PAFAH1B1: variants seen among roughly 807,000 people sequenced by gnomAD.
The protein encoded by PAFAH1B1 is platelet-activating factor acetylhydrolase IB subunit beta.
PAFAH1B1 carries 2 observed loss-of-function variants against 57.5 expected under a neutral mutation model. The observed-to-expected ratio is 0.03, with a 90% confidence interval of 0.01 to 0.11. The LOEUF (loss-of-function observed/expected upper bound fraction) is 0.11. Ranked by LOEUF, PAFAH1B1 falls within the 10% of genes least tolerant of loss-of-function variation. The pLI is 1.00. For missense variants in PAFAH1B1, 257 were observed against 512.0 expected, an observed-to-expected ratio of 0.50 and a Z score of 4.81; for synonymous variants, 152 against 169.6, an observed-to-expected ratio of 0.90 and a Z score of 0.81.
chr17:2,667,057 T>G lies in PAFAH1B1; in HGVS notation c.258T>G (p.Gly86=). ...KEEFTSGGPL[G]QKRDPKEWIP... is the part of the protein sequence containing the mutation. ...AATTTACGTCAGGTGGACCTCTTGGTCAGAAACGAGACCCAAAAGAATGGA... is the reference window on the plus strand; with the variant it reads ...AATTTACGTCAGGTGGACCTCTTGGGCAGAAACGAGACCCAAAAGAATGGA... The change falls in exon 5 of 11, where the codon GGT becomes GGG. Residue 86 remains glycine, a synonymous_variant. Transcript: ENST00000397195. 6.2e-7 allele frequency: 1 copy of G among 1,613,966 alleles called. No homozygotes were observed. Among genetic ancestry groups the G allele is most frequent in the Non-Finnish European group, 8.5e-7 (1 of 1,179,890 alleles).
intron 2 of PAFAH1B1, among the ~76,000 whole-genome samples, chr17:2,645,797 G>A (rs1378368894): frequency 6.7e-6 from 1 of 150,360 alleles, no homozygotes; most frequent in Non-Finnish European, 1.5e-5. Flanking sequence ...GTAGAGACGG[G>A]GTTTCATTGT....
rs576853881 is a variant in PAFAH1B1, at chr17:2,604,285, G to A, written c.-191+10279G>A. Reference sequence around the variant, plus strand: ...ACCCCTCACCTCAAGTGATCCCCCCGCCTCGGCCTCCCAAAGTGCTGAGGT... The same window carrying A: ...ACCCCTCACCTCAAGTGATCCCCCCACCTCGGCCTCCCAAAGTGCTGAGGT... On this transcript the variant is annotated intron_variant, in intron 1 of 10. Coordinates refer to ENST00000397195, the MANE Select transcript of PAFAH1B1 (RefSeq NM_000430.4). Among the ~76,000 whole-genome samples the A allele has an allele frequency of 4.0e-5, 6 of 150,054 alleles. No individual in the cohort carries two copies. The East Asian group carries it at 1.0e-3, about 25-fold the overall frequency.
At chr17:2,658,575 G>A (rs952926108) in intron 2 of PAFAH1B1, among the ~76,000 whole-genome samples, 6 of 152,126 alleles carry the variant, frequency 3.9e-5, no homozygotes, top group African/African-American at 1.2e-4. Flanking sequence ...AGACCCAGCC[G>A]TCTGATGAAA....
chr17:2,605,625 C>T (rs372286077), intron 1 of PAFAH1B1, among the ~76,000 whole-genome samples: 8 of 152,138 alleles, frequency 5.3e-5, no homozygotes, highest in African/African-American at 1.9e-4. Context: ...CCGCGCCCCC[C>T]TTACTTACGC....
chr17:2,610,409 C>T (rs1567526560), intron 1 of PAFAH1B1, among the ~76,000 whole-genome samples: 1 of 152,166 alleles, frequency 6.6e-6, no homozygotes, highest in Non-Finnish European at 1.5e-5. Context: ...TGACTCTGAG[C>T]TTTCTAGGAA....
intron 1 of PAFAH1B1, among the ~76,000 whole-genome samples, chr17:2,620,336 G>A (rs370215878): frequency 4.6e-5 from 7 of 152,138 alleles, no homozygotes; most frequent in South Asian, 4.1e-4. Flanking sequence ...ATAAACATCA[G>A]ATTCCTATCT....
intron 1 of PAFAH1B1, among the ~76,000 whole-genome samples, chr17:2,595,359 G>C (rs2068073465): frequency 1.3e-5 from 2 of 151,508 alleles, no homozygotes; most frequent in South Asian, 2.1e-4. Flanking sequence ...GGAGGAGACA[G>C]TGCTTGGGCC....
intron 2 of PAFAH1B1, among the ~76,000 whole-genome samples, chr17:2,660,783 G>A (rs2069003887): frequency 6.6e-6 from 1 of 152,044 alleles, no homozygotes; most frequent in Non-Finnish European, 1.5e-5. Flanking sequence ...GGGATTGCTG[G>A]GTCAAATGGT....
intron 1 of PAFAH1B1, among the ~76,000 whole-genome samples, chr17:2,628,531 A>G (rs976072098): frequency 3.3e-5 from 5 of 151,742 alleles, no homozygotes; most frequent in Non-Finnish European, 5.9e-5. Context: ...ATTGGTCTGT[A>G]GTTTTCTTTT....
intron 2 of PAFAH1B1, among the ~76,000 whole-genome samples, chr17:2,661,038 CATAA>C (rs770417662): frequency 1.3e-5 from 2 of 152,052 alleles, no homozygotes; most frequent in African/African-American, 2.4e-5. Context: ...TTTTTGGCCA[CATAA>C]ATGTCTTCTT....
chr17:2,594,114 T>TCCCATTCTCCCCTCCCC (rs2068056039), intron 1 of PAFAH1B1, 108 bp downstream of exon 1: 16 of 380,492 alleles, frequency 4.2e-5, no homozygotes, highest in African/African-American at 1.1e-4. Context: ...GTCCCCTCCC[T>TCCCATTCTCCCCTCCCC]CCCATTCTCC....
At chr17:2,628,979 G>C (rs2068524669) in intron 1 of PAFAH1B1, among the ~76,000 whole-genome samples, 1 of 152,056 alleles carries the variant, frequency 6.6e-6, no homozygotes, top group Admixed American at 6.6e-5. Flanking sequence ...TTTTCTCTCT[G>C]CTTTCCTTGG....
At chr17:2,619,158 A>C (rs766692499) in intron 1 of PAFAH1B1, among the ~76,000 whole-genome samples, 16 of 151,094 alleles carry the variant, frequency 1.1e-4, no homozygotes, top group Non-Finnish European at 1.2e-4. Flanking sequence ...ATTTTTCTTT[A>C]TTTATTTTTG....
intron 1 of PAFAH1B1, among the ~76,000 whole-genome samples, chr17:2,608,331 G>A (rs1199647844): frequency 6.6e-6 from 1 of 152,116 alleles, no homozygotes; most frequent in African/African-American, 2.4e-5. Context: ...TGATCCACTG[G>A]CCTCAGCCTC....
intron 1 of PAFAH1B1, among the ~76,000 whole-genome samples, chr17:2,596,873 A>G (rs1354686421): frequency 6.6e-6 from 1 of 152,156 alleles, no homozygotes; most frequent in Non-Finnish European, 1.5e-5. Flanking sequence ...AGACTGACCA[A>G]TATGGTGAAA....
intron 2 of PAFAH1B1, among the ~76,000 whole-genome samples, chr17:2,644,494 G>A (rs958563775): frequency 2.6e-5 from 4 of 152,144 alleles, no homozygotes; most frequent in Middle Eastern, 3.2e-3. Flanking sequence ...GGTGAGCCGC[G>A]ATCACACCCT....
intron 1 of PAFAH1B1, among the ~76,000 whole-genome samples, chr17:2,605,631 T>TA (rs1214952016): frequency 3.9e-5 from 6 of 152,164 alleles, no homozygotes; most frequent in Admixed American, 2.0e-4. Flanking sequence ...CCCCCTTACT[T>TA]ACGCTTCAAA....
chr17:2,645,955 T>G, intron 2 of PAFAH1B1, among the ~76,000 whole-genome samples: 1 of 151,880 alleles, frequency 6.6e-6, no homozygotes, highest in East Asian at 1.9e-4. Context: ...AAATAAAACT[T>G]AGGAGCTGAA....
At chr17:2,666,118 A>C (rs112019397) in intron 4 of PAFAH1B1, 28 bp downstream of exon 4, 4 of 1,397,146 alleles carry the variant, frequency 2.9e-6, no homozygotes, top group African/African-American at 2.9e-5. Flanking sequence ...CTTTAAAATT[A>C]GTTGTATTCA....
Sources: allele counts gnomAD v4.1 joint callset (sites outside exome capture counted in the v4.1 genomes callset), GRCh38; gene constraint gnomAD v4.1.1; transcripts MANE v1.5; gene names NCBI Gene and HGNC (gene_info 2026-07-23, HGNC 2026-07-21).